LRRC61: variants seen among roughly 807,000 people sequenced by gnomAD.
LRRC61 encodes the protein leucine-rich repeat-containing protein 61.
Under a neutral mutation model 15.1 loss-of-function variants are expected in LRRC61, and 9 were observed. The ratio of observed to expected loss-of-function variants is 0.60; its 90% confidence interval spans 0.36 to 1.04. The LOEUF is 1.04. Ranked by LOEUF, LRRC61 falls within the 50% of genes least tolerant of loss-of-function variation. LRRC61 has a pLI of 0.01. For missense variants in LRRC61, 344 were observed against 335.6 expected (o/e 1.03, Z -0.20); for synonymous variants, 173 against 158.6 (o/e 1.09, Z -0.68).
Position 150,323,444 on chromosome 7 carries a change from C to T in LRRC61, c.-431C>T, listed in dbSNP as rs1247278396. On this transcript the variant is annotated 5_prime_UTR_variant, in exon 1 of 3. Transcript: ENST00000359623. ...CCAGGGGTCAGGGGCCGCCAGGCGG[C>T]GGGCGGCGGGGCTGCGGCTCTTACC... 2.9e-6 allele frequency: 1 copy of T among 348,776 alleles called. No homozygotes were observed. 21.6% of individuals were successfully genotyped at this position (348,776 alleles called of 1,614,324 possible). A position where few individuals can be genotyped will look rare whatever the true frequency, so the allele number is the denominator to read the frequency against.
the LRRC61 span, among the ~76,000 whole-genome samples, chr7:150,313,751 GA>G: frequency 3.3e-5 from 5 of 152,116 alleles, no homozygotes; most frequent in South Asian, 6.2e-4. Flanking sequence ...AAGAGGGAGA[GA>G]GGGGGAGAGA....
At position 150,338,075 on chromosome 7, in the gene LRRC61, C is replaced by T; in HGVS notation, c.*434C>T. ...TGCAAATGTGCCTCTCCAGACTGCTCCTGCACTTACCCCCTCCCCGCAGCA... is the reference window on the plus strand; with the variant it reads ...TGCAAATGTGCCTCTCCAGACTGCTTCTGCACTTACCCCCTCCCCGCAGCA... On this transcript the variant is annotated 3_prime_UTR_variant, in exon 3 of 3. Coordinates refer to ENST00000359623, the MANE Select transcript of LRRC61 (RefSeq NM_001142928.2). The T allele has an allele frequency of 4.3e-6, 2 of 465,598 alleles. No individual in the cohort carries two copies. Among genetic ancestry groups the T allele is most frequent in the Non-Finnish European group, 7.7e-6 (2 of 259,956 alleles). 28.8% of individuals were successfully genotyped at this position (465,598 alleles called of 1,614,324 possible).
Position 150,338,069 on chromosome 7 carries a change from A to G in LRRC61, c.*428A>G, listed in dbSNP as rs575764313. 3.4e-5 allele frequency: 15 copies of G among 445,946 alleles called. No individual in the cohort carries two copies. Among genetic ancestry groups the G allele is most frequent in the African/African-American group, 2.3e-4 (11 of 48,806 alleles). 27.6% of individuals were successfully genotyped at this position (445,946 alleles called of 1,614,324 possible). ...CTGCCTTGCAAATGTGCCTCTCCAG[A>G]CTGCTCCTGCACTTACCCCCTCCCC... On this transcript the variant is annotated 3_prime_UTR_variant, in exon 3 of 3. Transcript: ENST00000359623.
upstream of LRRC61, among the ~76,000 whole-genome samples, chr7:150,321,550 G>A (rs969261555): frequency 2.0e-5 from 3 of 152,146 alleles, no homozygotes; most frequent in East Asian, 5.8e-4. Context: ...GACCACCCTG[G>A]CCAATATGGC....
At chr7:150,331,459 T>G in intron 2 of LRRC61, 1 of 238,794 alleles carries the variant, frequency 4.2e-6, no homozygotes, top group Non-Finnish European at 8.7e-6. Context: ...TAGGAAAGGG[T>G]CAGTTTCTCA....
intron 2 of LRRC61, chr7:150,332,739 T>C (rs147098477): frequency 1.4e-3 from 226 of 167,118 alleles, no homozygotes; most frequent in Non-Finnish European, 2.7e-3. Context: ...AGTAGTATGA[T>C]TTGCATTAAA....
At chr7:150,331,579 G>A (rs1798110076) in intron 2 of LRRC61, 1 of 171,614 alleles carries the variant, frequency 5.8e-6, no homozygotes, top group Non-Finnish European at 1.4e-5. Flanking sequence ...CTCTTCGTAG[G>A]TGACTGTGAA....
chr7:150,329,014 T>C (rs918304264), intron 2 of LRRC61, among the ~76,000 whole-genome samples: 1 of 152,166 alleles, frequency 6.6e-6, no homozygotes, highest in African/African-American at 2.4e-5. Flanking sequence ...AATCTTCCAC[T>C]AGCCAGAGAT....
chr7:150,330,228 G>C lies in LRRC61; in HGVS notation c.-145+4218G>C. ...CAGCCTCCTAGCCCACCAGCCCTTT[G>C]AGGAGCTCTTGGACCACTGGGTCTC... is the stretch of plus-strand genomic sequence containing the variant. On this transcript the variant is annotated intron_variant, in intron 2 of 2. Transcript: ENST00000359623. This position sits in a 1 kb window ranked among gnomAD's most constrained non-coding sequence, Gnocchi z 4.6. 3.3e-6 allele frequency: 2 copies of C among 603,652 alleles called. No individual in the cohort carries two copies. The highest frequency in any genetic ancestry group is 1.9e-5 in the South Asian group (1 of 51,728). The allele number at this position is 603,652 out of a possible 1,614,324, so 37.4% of individuals were successfully genotyped here. A position where few individuals can be genotyped will look rare whatever the true frequency, so the allele number is the denominator to read the frequency against.
At chr7:150,331,045 C>A (rs1393994706) in intron 2 of LRRC61, 1 of 1,612,120 alleles carries the variant, frequency 6.2e-7, no homozygotes, top group Non-Finnish European at 8.5e-7. Flanking sequence ...GACCCCCTGG[C>A]TTACTGGGAG....
At chr7:150,336,467 A>T (rs1194198477) in intron 2 of LRRC61, among the ~76,000 whole-genome samples, 1 of 152,226 alleles carries the variant, frequency 6.6e-6, no homozygotes, top group Non-Finnish European at 1.5e-5. Context: ...AGAACTGGTA[A>T]TATTGGGCCT....
rs923969650 is a variant in LRRC61, at chr7:150,337,277, C to T, written c.416C>T (p.Pro139Leu). The T allele has an allele frequency of 5.0e-6, 8 of 1,603,478 alleles. No homozygotes were observed. Among genetic ancestry groups the T allele is most frequent in the South Asian group, 2.2e-5 (2 of 91,080 alleles). ...GACCCTTTGGCCCGGCTCAGCAACC[C>T]GCTCTGTGCCAACCCCTCCTACTGG... ...LRDPLARLSN[P>L]LCANPSYWAA... The change falls in exon 3 of 3, where the codon CCG becomes CTG. Residue 139 changes from proline (P) to leucine (L), a missense_variant. Transcript: ENST00000359623.
the LRRC61 span, among the ~76,000 whole-genome samples, chr7:150,315,372 A>G: frequency 6.6e-6 from 1 of 152,116 alleles, no homozygotes; most frequent in South Asian, 2.1e-4. Flanking sequence ...CTGGAAGAGG[A>G]TATGCAGCCG....
chr7:150,313,704 G>A, the LRRC61 span, among the ~76,000 whole-genome samples: 1 of 152,058 alleles, frequency 6.6e-6, no homozygotes, highest in Non-Finnish European at 1.5e-5. Flanking sequence ...ATGGTTGGAG[G>A]GCCTTAGAAT....
chr7:150,312,577 A>G, the LRRC61 span, among the ~76,000 whole-genome samples: 12 of 152,290 alleles, frequency 7.9e-5, no homozygotes, highest in African/African-American at 2.9e-4. Flanking sequence ...TTATTAGGGC[A>G]ATTCCAAACT....
chr7:150,311,926 C>CT, the LRRC61 span, among the ~76,000 whole-genome samples: 1 of 152,222 alleles, frequency 6.6e-6, no homozygotes, highest in Non-Finnish European at 1.5e-5. Flanking sequence ...CATAACCATG[C>CT]TGCCATTTGG....
chr7:150,314,183 C>T, the LRRC61 span, among the ~76,000 whole-genome samples: 4 of 152,178 alleles, frequency 2.6e-5, no homozygotes, highest in Admixed American at 6.5e-5. Context: ...GTGTTAGCTC[C>T]GTCACTGTGG....
the LRRC61 span, among the ~76,000 whole-genome samples, chr7:150,313,288 T>A: frequency 3.4e-3 from 522 of 152,276 alleles, 3 homozygotes; most frequent in Non-Finnish European, 5.6e-3. Flanking sequence ...CACGTGACAG[T>A]TCAGAAAGGT....
intron 2 of LRRC61, among the ~76,000 whole-genome samples, chr7:150,327,085 C>G (rs1244698703): frequency 2.0e-5 from 3 of 151,982 alleles, no homozygotes; most frequent in African/African-American, 7.3e-5. Flanking sequence ...TCTCTGGTGA[C>G]CCTTTTTAAA....
Sources: gnomAD v4.1 joint callset for allele counts (sites outside exome capture counted in the v4.1 genomes callset) on GRCh38, gnomAD v4.1.1 for gene constraint, Gnocchi (gnomAD v3.1) non-coding constraint, MANE v1.5 for transcripts, NCBI Gene and HGNC (gene_info 2026-07-23, HGNC 2026-07-21) for gene names.